Variants in IMMP2L observed in about 807,000 individuals in gnomAD.
IMMP2L encodes mitochondrial inner membrane protease subunit 2.
A neutral mutation model predicts 19.3 loss-of-function variants in IMMP2L; 18 were observed. That is an observed-to-expected ratio of 0.93 (90% CI 0.64 to 1.38). The LOEUF is 1.38. Ranked by LOEUF, IMMP2L falls within the 40% of genes most tolerant of loss-of-function variation. The pLI is 0.00. For synonymous variants in IMMP2L, 76 were observed against 73.0 expected (o/e 1.04, Z -0.21); for missense variants, 233 against 218.2 (o/e 1.07, Z -0.43).
chr7:110,874,303 G>A (rs1021503229), intron 5 of IMMP2L, among the ~76,000 whole-genome samples: 1 of 151,938 alleles, frequency 6.6e-6, no homozygotes, highest in African/African-American at 2.4e-5. Context: ...TCAATTTTGG[G>A]TAGTCTCTAT....
intron 4 of IMMP2L, among the ~76,000 whole-genome samples, chr7:110,957,584 G>A (rs913365568): frequency 1.3e-5 from 2 of 151,866 alleles, no homozygotes; most frequent in African/African-American, 4.8e-5. Flanking sequence ...GTCCTTTCTA[G>A]GACCCACAAG....
At chr7:111,292,421 C>T (rs2129716362) in intron 3 of IMMP2L, among the ~76,000 whole-genome samples, 1 of 152,074 alleles carries the variant, frequency 6.6e-6, no homozygotes, top group East Asian at 1.9e-4. Flanking sequence ...TGTGAATTAC[C>T]CTGCACACAT....
At chr7:111,501,399 G>T (rs1844237114) in intron 2 of IMMP2L, among the ~76,000 whole-genome samples, 2 of 152,140 alleles carry the variant, frequency 1.3e-5, no homozygotes, top group African/African-American at 4.8e-5. Flanking sequence ...AAAACACTCT[G>T]CAGGATATTA....
intron 3 of IMMP2L, among the ~76,000 whole-genome samples, chr7:111,275,171 G>A (rs1657500863): frequency 6.6e-6 from 1 of 152,116 alleles, no homozygotes; most frequent in South Asian, 2.1e-4. Flanking sequence ...CAGAGACAAG[G>A]AATACAGGTC....
chr7:110,910,678 G>A lies in IMMP2L; in HGVS notation c.306-23983C>T, dbSNP rs115245847. Among the ~76,000 whole-genome samples, 579 of 152,190 alleles carry A rather than the reference G, an allele frequency of 3.8e-3. 4 individuals are homozygous for A. Among genetic ancestry groups the A allele is most frequent in the African/African-American group, 0.014 (562 of 41,524 alleles). ...ATGAAAAATTGGGTTGTATTTGGGG[G>A]GAAGGTGATGACACTTATCTATGAA... On this transcript the variant is annotated intron_variant, in intron 4 of 5. Coordinates refer to ENST00000405709, the MANE Select transcript of IMMP2L (RefSeq NM_032549.4).
At chr7:111,391,818 A>T (rs1455917351) in intron 3 of IMMP2L, 1 of 700,138 alleles carries the variant, frequency 1.4e-6, no homozygotes, top group African/African-American at 1.7e-5. Context: ...GGTCCTTAAT[A>T]TATGACAACA....
chr7:110,892,245 A>G (rs572718959), intron 4 of IMMP2L, among the ~76,000 whole-genome samples: 1 of 152,286 alleles, frequency 6.6e-6, no homozygotes, highest in African/African-American at 2.4e-5. Flanking sequence ...TATCGCAGGA[A>G]AAAAGTCTGA....
intron 3 of IMMP2L, among the ~76,000 whole-genome samples, chr7:111,334,804 A>C (rs892946737): frequency 6.6e-6 from 1 of 152,096 alleles, no homozygotes; most frequent in Non-Finnish European, 1.5e-5. Context: ...TGTTTTTTAA[A>C]CCTTCACTTG....
chr7:111,115,369 T>C (rs1229567676), intron 3 of IMMP2L, among the ~76,000 whole-genome samples: 2 of 152,176 alleles, frequency 1.3e-5, no homozygotes, highest in African/African-American at 2.4e-5. Context: ...ATTAATGAAG[T>C]GCTCAGTTGA....
chr7:110,735,153 G>A (rs551383031), intron 5 of IMMP2L, among the ~76,000 whole-genome samples: 1 of 152,284 alleles, frequency 6.6e-6, no homozygotes, highest in South Asian at 2.1e-4. Flanking sequence ...CACGTGCGCA[G>A]TAAGGGGAAC....
chr7:111,428,007 T>C (rs2131658277), intron 3 of IMMP2L, among the ~76,000 whole-genome samples: 1 of 151,936 alleles, frequency 6.6e-6, no homozygotes, highest in South Asian at 2.1e-4. Context: ...CAATTTTTCA[T>C]CTTTCATGAT....
chr7:111,241,867 A>G (rs886293138), intron 3 of IMMP2L, among the ~76,000 whole-genome samples: 1 of 152,014 alleles, frequency 6.6e-6, no homozygotes, highest in Non-Finnish European at 1.5e-5. Context: ...AAGTTTTTAC[A>G]GTCAATGAAA....
intron 3 of IMMP2L, among the ~76,000 whole-genome samples, chr7:111,199,001 G>C (rs866947565): frequency 1.3e-5 from 2 of 152,072 alleles, no homozygotes; most frequent in African/African-American, 2.4e-5. Flanking sequence ...CCTCAATATG[G>C]ACTAAATTCC....
chr7:111,154,892 G>A (rs899558286), intron 3 of IMMP2L, among the ~76,000 whole-genome samples: 1 of 151,916 alleles, frequency 6.6e-6, no homozygotes, highest in Non-Finnish European at 1.5e-5. Context: ...CAACTAGCTG[G>A]GACTACAGCC....
chr7:110,981,573 A>G (rs1821303215), intron 3 of IMMP2L, among the ~76,000 whole-genome samples: 2 of 152,138 alleles, frequency 1.3e-5, no homozygotes, highest in Admixed American at 1.3e-4. Context: ...TATTTGAAAA[A>G]AAAAAAGATT....
At chr7:111,091,557 C>T (rs1452145505) in intron 3 of IMMP2L, 2 of 152,138 alleles carry the variant, frequency 1.3e-5, no homozygotes, top group East Asian at 3.9e-4. Flanking sequence ...CTTGTCTCTT[C>T]GATGATCATG....
At chr7:111,189,373 GAAA>G (rs10595657) in intron 3 of IMMP2L, among the ~76,000 whole-genome samples, 519 of 145,150 alleles carry the variant, frequency 3.6e-3, no homozygotes, top group East Asian at 4.5e-3. Flanking sequence ...CTTTTTTAAT[GAAA>G]AAAAAAAAAA....
chr7:110,679,618 G>C (rs1792561293), intron 5 of IMMP2L, among the ~76,000 whole-genome samples: 2 of 151,936 alleles, frequency 1.3e-5, no homozygotes, highest in Non-Finnish European at 2.9e-5. Context: ...CAACGTATCT[G>C]GTACCCACTG....
At chr7:111,460,800 G>T (rs1397755196) in intron 3 of IMMP2L, among the ~76,000 whole-genome samples, 1 of 151,712 alleles carries the variant, frequency 6.6e-6, no homozygotes, top group Non-Finnish European at 1.5e-5. Context: ...TTAATTAATG[G>T]TCAATATAAA....
Sources: gnomAD v4.1 joint callset for allele counts (sites outside exome capture counted in the v4.1 genomes callset) on GRCh38, gnomAD v4.1.1 for gene constraint, MANE v1.5 for transcripts, NCBI Gene and HGNC (gene_info 2026-07-23, HGNC 2026-07-21) for gene names.